Variants in BRINP3 observed in about 807,000 individuals in gnomAD.
The protein encoded by BRINP3 is BMP/retinoic acid inducible neural specific 3.
Under a neutral mutation model 71.0 loss-of-function variants are expected in BRINP3, and 19 were observed. That is an observed-to-expected ratio of 0.27 (90% CI 0.19 to 0.39). The LOEUF (loss-of-function observed/expected upper bound fraction) is 0.39, where lower values mean the gene tolerates loss of function less well. BRINP3 is among the 10% of genes least tolerant of loss of function. The pLI is 1.00. For synonymous variants in BRINP3, 380 were observed against 337.7 expected, an observed-to-expected ratio of 1.13 and a Z score of -1.37; for missense variants, 959 against 940.8, an observed-to-expected ratio of 1.02 and a Z score of -0.25.
At chr1:190,157,775 A>G (rs572627306) in intron 7 of BRINP3, among the ~76,000 whole-genome samples, 1 of 152,214 alleles carries the variant, frequency 6.6e-6, no homozygotes, top group East Asian at 1.9e-4. Flanking sequence ...TGAGATGCAT[A>G]AAATAATGAT....
At chr1:190,191,278 A>AT (rs965738679) in intron 6 of BRINP3, among the ~76,000 whole-genome samples, 4 of 151,864 alleles carry the variant, frequency 2.6e-5, no homozygotes, top group Admixed American at 6.6e-5. Context: ...TAATACAGGC[A>AT]TTTTTTTTAT....
Position 190,129,136 on chromosome 1 carries a change from C to T in BRINP3, c.1185-30002G>A, listed in dbSNP as rs1438432124. ...TCATATTTGATATCATCTGATAATCCCATTTACACAAAACCACTCAGTTAT... is the reference window on the plus strand; with the variant it reads ...TCATATTTGATATCATCTGATAATCTCATTTACACAAAACCACTCAGTTAT... On this transcript the variant is annotated intron_variant, in intron 7 of 7. Transcript: ENST00000367462. Among the ~76,000 whole-genome samples the T allele has an allele frequency of 1.3e-5, 2 of 151,516 alleles. 1 individual carries two copies. Among genetic ancestry groups the T allele is most frequent in the South Asian group, 4.2e-4 (2 of 4,812 alleles).
At chr1:190,170,931 T>C (rs1442618365) in intron 6 of BRINP3, among the ~76,000 whole-genome samples, 4 of 152,176 alleles carry the variant, frequency 2.6e-5, no homozygotes, top group Admixed American at 2.6e-4. Context: ...TAATGTCTGC[T>C]GCACTGAAAC....
chr1:190,150,300 A>T (rs558804106), intron 7 of BRINP3, among the ~76,000 whole-genome samples: 1 of 152,106 alleles, frequency 6.6e-6, no homozygotes, highest in East Asian at 1.9e-4. Context: ...ACATACATAG[A>T]TACATATACA....
At chr1:190,371,388 C>CAT (rs1164750496) in intron 2 of BRINP3, among the ~76,000 whole-genome samples, 1 of 152,164 alleles carries the variant, frequency 6.6e-6, no homozygotes, top group African/African-American at 2.4e-5. Flanking sequence ...TATTCTGCTG[C>CAT]ATGTGGATAT....
At chr1:190,475,435 C>T (rs1331792151) in intron 1 of BRINP3, among the ~76,000 whole-genome samples, 1 of 152,186 alleles carries the variant, frequency 6.6e-6, no homozygotes, top group African/African-American at 2.4e-5. Flanking sequence ...GCGCACCCCA[C>T]TCTATGGGGC....
At chr1:190,177,614 T>C (rs1434952561) in intron 6 of BRINP3, among the ~76,000 whole-genome samples, 2 of 152,160 alleles carry the variant, frequency 1.3e-5, no homozygotes, top group Admixed American at 1.3e-4. Context: ...AGAAAGAGCA[T>C]GTATTGTTAG....
intron 7 of BRINP3, among the ~76,000 whole-genome samples, chr1:190,140,767 G>A (rs1411099129): frequency 6.6e-6 from 1 of 152,082 alleles, no homozygotes; most frequent in African/African-American, 2.4e-5. Flanking sequence ...GCATTCCATG[G>A]ATTCATTCAT....
At chr1:190,125,770 C>G (rs866609800) in intron 7 of BRINP3, among the ~76,000 whole-genome samples, 2 of 151,900 alleles carry the variant, frequency 1.3e-5, no homozygotes, top group South Asian at 4.1e-4. Context: ...CATTTGGTAC[C>G]TATAGTGACT....
chr1:190,401,780 A>C (rs1446748210), intron 2 of BRINP3, among the ~76,000 whole-genome samples: 1 of 152,192 alleles, frequency 6.6e-6, no homozygotes, highest in Non-Finnish European at 1.5e-5. Flanking sequence ...CCAGTTATAC[A>C]TACACATGTA....
At chr1:190,289,454 T>C (rs12123398) in intron 2 of BRINP3, among the ~76,000 whole-genome samples, 2,829 of 152,046 alleles carry the variant, frequency 0.019, 31 homozygotes, top group Non-Finnish European at 0.029. Flanking sequence ...GGAGACTGAA[T>C]ATGGTACTTT....
intron 2 of BRINP3, among the ~76,000 whole-genome samples, chr1:190,417,977 T>C (rs1673118265): frequency 6.6e-6 from 1 of 152,182 alleles, no homozygotes. Context: ...GTTTCCTCTA[T>C]GAATTTAGAT....
At chr1:190,277,811 T>C (rs1662716188) in intron 3 of BRINP3, among the ~76,000 whole-genome samples, 1 of 151,782 alleles carries the variant, frequency 6.6e-6, no homozygotes, top group African/African-American at 2.4e-5. Flanking sequence ...GATTGATTCT[T>C]TCAATTGAGT....
chr1:190,194,454 A>G (rs1654307581), intron 6 of BRINP3, among the ~76,000 whole-genome samples: 1 of 152,104 alleles, frequency 6.6e-6, no homozygotes, highest in Non-Finnish European at 1.5e-5. Context: ...TCTTAATATT[A>G]TAATAGAAAA....
intron 2 of BRINP3, among the ~76,000 whole-genome samples, chr1:190,393,812 T>A (rs776094766): frequency 3.3e-5 from 5 of 151,620 alleles, no homozygotes; most frequent in Non-Finnish European, 7.4e-5. Context: ...CTAAAATGGA[T>A]GTTATGGCTA....
intron 6 of BRINP3, among the ~76,000 whole-genome samples, chr1:190,166,429 T>A (rs1045492595): frequency 2.0e-5 from 3 of 152,204 alleles, no homozygotes; most frequent in Non-Finnish European, 2.9e-5. Context: ...ACCCCATTCA[T>A]CTGTTTGAGA....
intron 6 of BRINP3, among the ~76,000 whole-genome samples, chr1:190,199,747 T>A (rs1654820938): frequency 6.9e-6 from 1 of 145,198 alleles, no homozygotes. Flanking sequence ...ACAATTGCAA[T>A]CTGCTATTCT....
intron 2 of BRINP3, among the ~76,000 whole-genome samples, chr1:190,292,115 G>T (rs150543408): frequency 3.4e-3 from 522 of 152,228 alleles, no homozygotes; most frequent in African/African-American, 0.012. Flanking sequence ...TAAAAGCAGA[G>T]AGTAGACTGG....
At chr1:190,113,804 T>A (rs1242308320) in intron 7 of BRINP3, among the ~76,000 whole-genome samples, 1 of 152,124 alleles carries the variant, frequency 6.6e-6, no homozygotes, top group Non-Finnish European at 1.5e-5. Context: ...ACCTGTCCAA[T>A]CCATGGTTTG....
Sources: allele counts gnomAD v4.1 joint callset (sites outside exome capture counted in the v4.1 genomes callset), GRCh38; gene constraint gnomAD v4.1.1; transcripts MANE v1.5; gene names NCBI Gene and HGNC (gene_info 2026-07-23, HGNC 2026-07-21).